Variants in PPM1B observed in about 807,000 individuals in gnomAD.
PPM1B encodes the protein protein phosphatase, Mg2+/Mn2+ dependent 1B, also known as protein phosphatase 1B.
Under a neutral mutation model 43.0 loss-of-function variants are expected in PPM1B, and 22 were observed. The observed-to-expected ratio is 0.51, with a 90% CI of 0.37 to 0.73. PPM1B has a LOEUF of 0.73. Among genes scored for constraint, PPM1B ranks in the 30% least tolerant of loss-of-function variants. The probability of loss-of-function intolerance (pLI) is 0.00; values close to 1 mark genes in which losing one functional copy is unlikely to be tolerated. For synonymous variants in PPM1B, 217 were observed against 197.9 expected, an observed-to-expected ratio of 1.10 and a Z score of -0.81; for missense variants, 632 against 584.2, an observed-to-expected ratio of 1.08 and a Z score of -0.84.
chr2:44,173,301 A>G (rs1177094947), intron 1 of PPM1B, among the ~76,000 whole-genome samples: 2 of 152,258 alleles, frequency 1.3e-5, no homozygotes, highest in Non-Finnish European at 2.9e-5. Flanking sequence ...TTTATTTCTC[A>G]GAGTATTTAA....
At chr2:44,194,093 C>T (rs961853040) in intron 1 of PPM1B, among the ~76,000 whole-genome samples, 3 of 152,036 alleles carry the variant, frequency 2.0e-5, no homozygotes, top group African/African-American at 4.8e-5. Flanking sequence ...TTTTTTATTT[C>T]TCTTAAGGAT....
chr2:44,180,650 G>C (rs1280254387), intron 1 of PPM1B, among the ~76,000 whole-genome samples: 2 of 151,732 alleles, frequency 1.3e-5, no homozygotes, highest in Admixed American at 1.3e-4. Flanking sequence ...TCACTCTGTT[G>C]TCCAGGCTAG....
rs1279902325 is a variant in PPM1B, at chr2:44,189,260, TG to T, written c.-14-11925del. 1.2e-4 allele frequency among the ~76,000 whole-genome samples: 18 copies of T among 152,296 alleles called. No homozygotes were observed. The East Asian group carries it at 3.1e-3, about 26-fold the overall frequency. On this transcript the variant is annotated intron_variant, in intron 1 of 5. Transcript: ENST00000282412. ...AATAGAGAATTCATCTTAAGTTTCT[TG>T]AGAAAAGACAGAACACTTCTGCTTT...
rs1159646447 is a variant in PPM1B at position 44,209,199 on chromosome 2, T to A, written c.847-11T>A. 6.4e-7 allele frequency: 1 copy of A among 1,560,710 alleles called. No homozygotes were observed. The highest frequency in any genetic ancestry group is 8.7e-7 in the Non-Finnish European group (1 of 1,155,550). Reference sequence around the variant, plus strand: ...ATACAATTTTTTTTCTTTTTTTTCTTTAATACACAGGGAAGTCGAGATAAC... The same window carrying A: ...ATACAATTTTTTTTCTTTTTTTTCTATAATACACAGGGAAGTCGAGATAAC... On this transcript the variant is annotated splice_polypyrimidine_tract_variant and intron_variant, in intron 2 of 5. Transcript: ENST00000282412.
At chr2:44,206,995 G>C (rs1258645777) in intron 2 of PPM1B, among the ~76,000 whole-genome samples, 2 of 152,052 alleles carry the variant, frequency 1.3e-5, no homozygotes, top group African/African-American at 4.8e-5. Flanking sequence ...TAAAAGTTTT[G>C]GTGGGTTTCA....
chr2:44,230,651 G>C lies in PPM1B; in HGVS notation c.1373G>C (p.Ser458Thr). ...CAGGAAAGCCATACTGAATCAGAAA[G>C]TGGTCTTGCTGAATTAGACAGCTCT... is the stretch of plus-strand genomic sequence containing the variant. ...TMQESHTESESGLAELDSSNE... is the reference protein window; with the variant it reads ...TMQESHTESETGLAELDSSNE... Residue 458 changes from serine to threonine, a missense_variant, in exon 6 of 6, where the codon AGT (serine) becomes ACT (threonine). Around this residue, in one of 3 missense-constraint regions of PPM1B, gnomAD observed 392 missense variants for 302.7 expected, o/e 1.29. Transcript: ENST00000282412. The C allele has an allele frequency of 6.2e-7, 1 of 1,614,184 alleles. No homozygotes were observed. Among genetic ancestry groups the C allele is most frequent in the Non-Finnish European group, 8.5e-7 (1 of 1,180,010 alleles).
rs377695415 is a variant in PPM1B at position 44,230,660 on chromosome 2, C to G, written c.1382C>G (p.Ala461Gly). The G allele has an allele frequency of 2.5e-5, 40 of 1,613,930 alleles. No homozygotes were observed. Among genetic ancestry groups the G allele is most frequent in the Non-Finnish European group, 5.1e-6 (6 of 1,179,990 alleles). The change falls in exon 6 of 6, where the codon GCT becomes GGT. Residue 461 changes from alanine to glycine, a missense_variant. Coordinates refer to ENST00000282412, the MANE Select transcript of PPM1B (RefSeq NM_002706.6). ...ESHTESESGLAELDSSNEDAG... is the reference protein window; with the variant it reads ...ESHTESESGLGELDSSNEDAG... ...CATACTGAATCAGAAAGTGGTCTTG[C>G]TGAATTAGACAGCTCTAATGAAGAT...
At chr2:44,188,578 G>A (rs370230731) in intron 1 of PPM1B, among the ~76,000 whole-genome samples, 105 of 151,534 alleles carry the variant, frequency 6.9e-4, no homozygotes, top group African/African-American at 2.4e-3. Flanking sequence ...TTAATCTTTC[G>A]TAGAGTTGGG....
intron 1 of PPM1B, among the ~76,000 whole-genome samples, chr2:44,180,164 C>G (rs1010038778): frequency 3.3e-5 from 5 of 152,090 alleles, no homozygotes; most frequent in African/African-American, 1.2e-4. Context: ...TTAAGGGAAA[C>G]AATCCTTTGT....
intron 1 of PPM1B, among the ~76,000 whole-genome samples, chr2:44,185,234 T>G (rs1668064036): frequency 6.6e-6 from 1 of 152,172 alleles, no homozygotes; most frequent in Non-Finnish European, 1.5e-5. Context: ...TTGTGTCTTG[T>G]AGAATTTGGA....
At chr2:44,178,031 C>T (rs922605443) in intron 1 of PPM1B, among the ~76,000 whole-genome samples, 3 of 151,648 alleles carry the variant, frequency 2.0e-5, no homozygotes, top group Non-Finnish European at 4.4e-5. Flanking sequence ...GATCCTCCCA[C>T]CTCAGCCTCC....
chr2:44,222,599 C>T (rs1572747611), intron 5 of PPM1B, among the ~76,000 whole-genome samples: 1 of 152,144 alleles, frequency 6.6e-6, no homozygotes, highest in Admixed American at 6.5e-5. Flanking sequence ...ATCTTCTCAG[C>T]ACCCTTCTTT....
chr2:44,217,226 C>T (rs932415249), intron 3 of PPM1B, among the ~76,000 whole-genome samples: 6 of 151,730 alleles, frequency 4.0e-5, no homozygotes, highest in African/African-American at 1.5e-4. Flanking sequence ...ATGGAGAAAC[C>T]CCATCTCTAC....
intron 1 of PPM1B, among the ~76,000 whole-genome samples, chr2:44,186,206 T>C (rs1203539237): frequency 6.6e-6 from 1 of 152,106 alleles, no homozygotes; most frequent in Non-Finnish European, 1.5e-5. Context: ...AGCAATGTTT[T>C]ATAATAATGA....
At chr2:44,193,947 C>T (rs1298851035) in intron 1 of PPM1B, among the ~76,000 whole-genome samples, 1 of 152,172 alleles carries the variant, frequency 6.6e-6, no homozygotes, top group Non-Finnish European at 1.5e-5. Flanking sequence ...CTACTGGCCT[C>T]AAGCAATCCT....
chr2:44,181,946 A>G (rs1045762046), intron 1 of PPM1B, among the ~76,000 whole-genome samples: 24 of 152,198 alleles, frequency 1.6e-4, no homozygotes, highest in African/African-American at 5.8e-4. Context: ...AGAATAAAGA[A>G]TAAAGAAAAA....
At chr2:44,202,786 G>A (rs1330776616) in intron 2 of PPM1B, among the ~76,000 whole-genome samples, 2 of 152,106 alleles carry the variant, frequency 1.3e-5, no homozygotes, top group South Asian at 4.1e-4. Context: ...GCTTGATACA[G>A]TAATAGAAAA....
At chr2:44,202,150 A>G (rs1424863951) in intron 2 of PPM1B, 105 bp downstream of exon 2, 1 of 1,153,528 alleles carries the variant, frequency 8.7e-7, no homozygotes, top group African/African-American at 1.6e-5. Context: ...ATTTTCACAG[A>G]AGCTGTATAT....
chr2:44,177,504 C>G (rs568247423), intron 1 of PPM1B, among the ~76,000 whole-genome samples: 25 of 149,124 alleles, frequency 1.7e-4, no homozygotes, highest in African/African-American at 5.9e-4. Flanking sequence ...CTGCAGCCTC[C>G]GCCTTCAGGT....
Sources: allele counts gnomAD v4.1 joint callset (sites outside exome capture counted in the v4.1 genomes callset), GRCh38; gene constraint gnomAD v4.1.1; regional missense constraint gnomAD v4.1.1; transcripts MANE v1.5; gene names NCBI Gene and HGNC (gene_info 2026-07-23, HGNC 2026-07-21).